The following ARHGAP29 variants were observed in gnomAD, a reference collection of about 807,000 sequenced individuals.
The protein encoded by ARHGAP29 is Rho GTPase activating protein 29, also known as rho GTPase-activating protein 29.
In ARHGAP29, 43 loss-of-function variants were observed where a neutral mutation model predicts 122.6. The observed-to-expected ratio is 0.35, with a 90% CI of 0.27 to 0.45. The LOEUF is 0.45. Among genes scored for constraint, ARHGAP29 ranks in the 20% least tolerant of loss-of-function variants. The pLI is 1.00. For synonymous variants in ARHGAP29, 506 were observed against 497.1 expected (o/e 1.02, Z -0.24); for missense variants, 1,303 against 1,477.2 (o/e 0.88, Z 1.93).
the ARHGAP29 span, chr1:94,302,677 T>G: frequency 1.3e-5 from 6 of 450,042 alleles, no homozygotes; most frequent in Admixed American, 1.4e-4. Flanking sequence ...GTGGGCAAGG[T>G]CATCCCCAAG....
At chr1:94,272,811 T>G (rs1194051158) in intron 1 of ARHGAP29, among the ~76,000 whole-genome samples, 2 of 152,192 alleles carry the variant, frequency 1.3e-5, no homozygotes, top group East Asian at 3.8e-4. Flanking sequence ...TCATGGGCTT[T>G]GTCCCCAGTA....
chr1:94,309,429 C>T, the ARHGAP29 span, among the ~76,000 whole-genome samples: 1 of 152,208 alleles, frequency 6.6e-6, no homozygotes, highest in Admixed American at 6.5e-5. Context: ...GCCTTGCACT[C>T]TGGAAAGTGC....
At chr1:94,245,751 C>A (rs1362839189) in intron 1 of ARHGAP29, among the ~76,000 whole-genome samples, 1 of 152,142 alleles carries the variant, frequency 6.6e-6, no homozygotes, top group Non-Finnish European at 1.5e-5. Flanking sequence ...GGACTGTCTA[C>A]CACAAAATGG....
intron 5 of ARHGAP29, among the ~76,000 whole-genome samples, chr1:94,206,966 A>AAT (rs201730793): frequency 0.017 from 2,565 of 148,912 alleles, 34 homozygotes; most frequent in Middle Eastern, 0.032. Context: ...AAATGAGGCA[A>AAT]ATATATATAT....
At chr1:94,205,801 T>G in intron 5 of ARHGAP29, 118 bp from the exon 6 acceptor site, 1 of 853,078 alleles carries the variant, frequency 1.2e-6, no homozygotes, top group Non-Finnish European at 1.9e-6. Flanking sequence ...TTTCAAGTAT[T>G]TAAAACTTAA....
At chr1:94,241,365 C>A (rs1653565442), upstream of ARHGAP29, among the ~76,000 whole-genome samples, 1 of 152,116 alleles carries the variant, frequency 6.6e-6, no homozygotes, top group African/African-American at 2.4e-5. Context: ...CCTGTAATCC[C>A]AGCACGTTGG....
rs756274736 is a variant in ARHGAP29 at position 94,189,294 on chromosome 1, A to C, written c.1498T>G (p.Leu500Val). ...QPSGFGPANS[L>V]EDVVRLPDSS... ...TCAGGAAGGCGTACAACATCCTCTA[A>C]AGAGTTGGCAGGTCCAAATCCTGAA... is the stretch of plus-strand genomic sequence containing the variant. Residue 500 changes from leucine (L) to valine (V), a missense_variant, in exon 14 of 23, where the codon TTA becomes GTA. Coordinates refer to ENST00000260526, the MANE Select transcript of ARHGAP29 (RefSeq NM_004815.4). 2.5e-6 allele frequency: 4 copies of C among 1,613,116 alleles called. No individual in the cohort carries two copies. The highest frequency in any genetic ancestry group is 2.7e-5 in the African/African-American group (2 of 75,024).
At chr1:94,205,772 CA>C in intron 5 of ARHGAP29, 89 bp from the exon 6 acceptor site, 3 of 1,105,074 alleles carry the variant, frequency 2.7e-6, no homozygotes, top group Non-Finnish European at 4.1e-6. Context: ...GTTACTCTGA[CA>C]TAATTCCTGC....
rs568097091 is a variant in ARHGAP29 at position 94,180,326 on chromosome 1, A to T, written c.2248-369T>A. ...TAAAACCCAGGATAATGCACAAAAT[A>T]AGTCAAATTAGTTAAAAAGGTGAAT... is the stretch of plus-strand genomic sequence containing the variant. On this transcript the variant is annotated intron_variant, in intron 19 of 22. Transcript: ENST00000260526. Among the ~76,000 whole-genome samples the T allele has an allele frequency of 7.9e-5, 12 of 152,348 alleles. No individual in the cohort carries two copies. The East Asian group carries it at 2.3e-3, about 29-fold the overall frequency.
chr1:94,237,099 G>A (rs538881967), intron 1 of ARHGAP29, among the ~76,000 whole-genome samples: 1 of 152,294 alleles, frequency 6.6e-6, no homozygotes, highest in South Asian at 2.1e-4. Flanking sequence ...AACAGCAGGC[G>A]GACCCGTTGT....
chr1:94,179,216 T>C (rs191663075), intron 20 of ARHGAP29, among the ~76,000 whole-genome samples: 95 of 152,268 alleles, frequency 6.2e-4, no homozygotes, highest in Middle Eastern at 3.4e-3. Flanking sequence ...ATCTTCAATG[T>C]CTCCCTTTCC....
At position 94,189,258 on chromosome 1, in the gene ARHGAP29, T is replaced by C; in HGVS notation, c.1534A>G (p.Lys512Glu). ...DVVRLPDSSN[K>E]IEEDRCSNSA... ...TTAGAGCATCTGTCCTCTTCAATTT[T>C]ATTAGAACTGTCAGGAAGGCGTACA... Residue 512 changes from lysine to glutamate, a missense_variant, in exon 14 of 23, where the codon AAA becomes GAA. Transcript: ENST00000260526. 6.2e-7 allele frequency: 1 copy of C among 1,613,140 alleles called. No individual in the cohort carries two copies. Among genetic ancestry groups the C allele is most frequent in the South Asian group, 1.1e-5 (1 of 90,960 alleles).
At chr1:94,275,900 A>C (rs1204799718), upstream of ARHGAP29, among the ~76,000 whole-genome samples, 2 of 152,154 alleles carry the variant, frequency 1.3e-5, no homozygotes, top group East Asian at 3.9e-4. Context: ...TTCTATCACA[A>C]ATCAGGGCAT....
At position 94,231,583 on chromosome 1, in the gene ARHGAP29, T is replaced by G; in HGVS notation, c.29A>C (p.Lys10Thr). 3 of 1,613,580 alleles carry G rather than the reference T, an allele frequency of 1.9e-6. No homozygotes were observed. The highest frequency in any genetic ancestry group is 2.5e-6 in the Non-Finnish European group (3 of 1,179,678). The change falls in exon 2 of 23, where the codon AAG becomes ACG. Residue 10 changes from lysine (K) to threonine (T), a missense_variant. By Grantham distance (78) the Lys-to-Thr change is moderately conservative (BLOSUM62 -1). Around this residue, in one of 3 missense-constraint regions of ARHGAP29, gnomAD observed 592 missense variants for 648.2 expected, o/e 0.91. Coordinates refer to ENST00000260526, the MANE Select transcript of ARHGAP29 (RefSeq NM_004815.4). ...ACCTGATGCCCAAGCACGTTTTTTC[T>G]TTGTCTTTTTCTGTTTGTGAGCAAT... MIAHKQKKT[K>T]KKRAWASGQL... is the part of the protein sequence containing the mutation.
At chr1:94,309,745 G>A in the ARHGAP29 span, among the ~76,000 whole-genome samples, 4 of 152,156 alleles carry the variant, frequency 2.6e-5, no homozygotes, top group East Asian at 1.9e-4. Flanking sequence ...CCTGTCTTTC[G>A]AAGACATGAG....
At chr1:94,246,424 A>G (rs186770259) in intron 1 of ARHGAP29, among the ~76,000 whole-genome samples, 2 of 152,362 alleles carry the variant, frequency 1.3e-5, no homozygotes, top group Middle Eastern at 3.4e-3. Flanking sequence ...GCTAATTCCC[A>G]AAGATTAATA....
chr1:94,212,724 C>A (rs568731735), intron 3 of ARHGAP29, among the ~76,000 whole-genome samples: 1 of 152,126 alleles, frequency 6.6e-6, no homozygotes, highest in African/African-American at 2.4e-5. Context: ...AAGTTATAGC[C>A]ATCTAATGAA....
At chr1:94,303,353 C>G in the ARHGAP29 span, among the ~76,000 whole-genome samples, 1 of 152,158 alleles carries the variant, frequency 6.6e-6, no homozygotes, top group South Asian at 2.1e-4. Flanking sequence ...GTGAAATGCC[C>G]AGAGAAGTGA....
intron 1 of ARHGAP29, among the ~76,000 whole-genome samples, chr1:94,250,874 T>C (rs1209523285): frequency 6.6e-6 from 1 of 152,224 alleles, no homozygotes; most frequent in African/African-American, 2.4e-5. Context: ...CCTCTGTGCT[T>C]GAGCCATCAC....
Sources: gnomAD v4.1 joint callset for allele counts (sites outside exome capture counted in the v4.1 genomes callset) on GRCh38, gnomAD v4.1.1 for gene constraint, gnomAD v4.1.1 regional missense constraint, MANE v1.5 for transcripts, NCBI Gene and HGNC (gene_info 2026-07-23, HGNC 2026-07-21) for gene names.